The following THSD7A variants were observed in gnomAD, a reference collection of about 807,000 sequenced individuals.
The protein encoded by THSD7A is thrombospondin type-1 domain-containing protein 7A.
THSD7A carries 96 observed loss-of-function variants against 231.3 expected under a neutral mutation model. The ratio of observed to expected loss-of-function variants is 0.41; its 90% CI spans 0.35 to 0.49. The LOEUF (loss-of-function observed/expected upper bound fraction) is 0.49, where lower values mean the gene tolerates loss of function less well. Among genes scored for constraint, THSD7A ranks in the 20% least tolerant of loss-of-function variants. The probability of loss-of-function intolerance (pLI) is 0.05; values close to 1 mark genes in which losing one functional copy is unlikely to be tolerated. For synonymous variants in THSD7A, 940 were observed against 743.3 expected (o/e 1.26, Z -4.30); for missense variants, 2,290 against 2,070.2 (o/e 1.11, Z -2.06).
At chr7:11,454,473 A>G (rs1327635485) in intron 11 of THSD7A, among the ~76,000 whole-genome samples, 1 of 151,864 alleles carries the variant, frequency 6.6e-6, no homozygotes, top group African/African-American at 2.4e-5. Flanking sequence ...AGCTGTTCCT[A>G]AACATAAAGA....
At position 11,690,842 on chromosome 7, in the gene THSD7A, A is replaced by G. The variant is rs556205782; in HGVS notation, c.191-53881T>C. Among the ~76,000 whole-genome samples the G allele has an allele frequency of 8.6e-5, 13 of 151,854 alleles. 1 individual carries two copies. In the South Asian group the frequency reaches 2.7e-3, roughly 31 times the overall value. On this transcript the variant is annotated intron_variant, in intron 1 of 27. Transcript: ENST00000423059. ...AGGATATTTGGATCATGCTTCCTTC[A>G]ACAATTTTTAGTTTTCTTCGAAGTG...
At chr7:11,392,956 T>C (rs1242607015) in intron 23 of THSD7A, among the ~76,000 whole-genome samples, 1 of 152,168 alleles carries the variant, frequency 6.6e-6, no homozygotes, top group Admixed American at 6.5e-5. Context: ...CAGCTGTGGG[T>C]GCAGCTTCAG....
intron 6 of THSD7A, among the ~76,000 whole-genome samples, chr7:11,526,900 A>G (rs1788498340): frequency 6.6e-6 from 1 of 152,192 alleles, no homozygotes; most frequent in African/African-American, 2.4e-5. Context: ...ATTAAAAAAA[A>G]TGAAATTTCT....
chr7:11,694,561 T>A (rs1436559459), intron 1 of THSD7A, among the ~76,000 whole-genome samples: 1 of 151,546 alleles, frequency 6.6e-6, no homozygotes, highest in African/African-American at 2.4e-5. Flanking sequence ...CTGACTGTGA[T>A]CTCACCAAAT....
intron 1 of THSD7A, among the ~76,000 whole-genome samples, chr7:11,666,680 T>C (rs1783146818): frequency 6.6e-6 from 1 of 151,072 alleles, no homozygotes; most frequent in Non-Finnish European, 1.5e-5. Context: ...TGAAACTGTT[T>C]TTTGATTCCT....
chr7:11,677,410 C>T (rs1365937760), intron 1 of THSD7A, among the ~76,000 whole-genome samples: 2 of 151,746 alleles, frequency 1.3e-5, no homozygotes, highest in African/African-American at 2.4e-5. Context: ...CAAATTCACA[C>T]ATAACAATAT....
At chr7:11,412,427 CT>C (rs1783816649) in intron 18 of THSD7A, among the ~76,000 whole-genome samples, 1 of 152,068 alleles carries the variant, frequency 6.6e-6, no homozygotes, top group Admixed American at 6.5e-5. Flanking sequence ...TCACAACCTA[CT>C]TTAAGGGCTA....
intron 1 of THSD7A, among the ~76,000 whole-genome samples, chr7:11,812,482 C>T (rs1414679589): frequency 1.3e-5 from 2 of 152,144 alleles, no homozygotes; most frequent in African/African-American, 2.4e-5. Flanking sequence ...TTATCATTTA[C>T]GTCACAAAAG....
At chr7:11,667,288 A>G (rs182790724) in intron 1 of THSD7A, among the ~76,000 whole-genome samples, 1 of 152,234 alleles carries the variant, frequency 6.6e-6, no homozygotes, top group African/African-American at 2.4e-5. Context: ...TCCCACTTAT[A>G]AGTGAGAACA....
In THSD7A at chr7:11,406,997, G is replaced by A; in HGVS notation, c.3975C>T (p.Cys1325=). 8 of 1,613,788 alleles carry A rather than the reference G, an allele frequency of 5.0e-6. No homozygotes were observed. The highest frequency in any genetic ancestry group is 1.3e-5 in the African/African-American group (1 of 75,020). ...GTTTGGACTGGTCCATCAGGGAAGG[G>A]CATGGTCTTCCATCACCTTGAAAGG... is the stretch of plus-strand genomic sequence containing the variant. ...TQPFQGDGRP[C]PSLMDQSKPC... is the part of the protein sequence containing the mutation. The change falls in exon 21 of 28, where the codon TGC becomes TGT. Residue 1325 remains cysteine (C), a synonymous_variant. Coordinates refer to ENST00000423059, the MANE Select transcript of THSD7A (RefSeq NM_015204.3). This position sits in a 1 kb window ranked among gnomAD's most constrained non-coding sequence, Gnocchi z 4.7.
chr7:11,529,744 G>A (rs1176070329), intron 6 of THSD7A, among the ~76,000 whole-genome samples: 1 of 152,038 alleles, frequency 6.6e-6, no homozygotes, highest in Non-Finnish European at 1.5e-5. Flanking sequence ...TTATAAATTA[G>A]CCAGTCTCAG....
intron 1 of THSD7A, among the ~76,000 whole-genome samples, chr7:11,778,125 C>G (rs1021375537): frequency 1.5e-5 from 2 of 130,286 alleles, no homozygotes; most frequent in African/African-American, 5.9e-5. Flanking sequence ...CCACTGCACT[C>G]CAGCCTGGGC....
intron 4 of THSD7A, among the ~76,000 whole-genome samples, chr7:11,544,512 G>A (rs1789292455): frequency 6.6e-6 from 1 of 152,028 alleles, no homozygotes; most frequent in Non-Finnish European, 1.5e-5. Context: ...AATTCCAATT[G>A]CATAGGATTG....
At chr7:11,534,917 G>A (rs942735862) in intron 6 of THSD7A, among the ~76,000 whole-genome samples, 1 of 152,200 alleles carries the variant, frequency 6.6e-6, no homozygotes, top group Non-Finnish European at 1.5e-5. Context: ...GCTAAGGCAG[G>A]AGGATTGCTG....
At chr7:11,554,781 T>C (rs1789775511) in intron 4 of THSD7A, among the ~76,000 whole-genome samples, 1 of 151,996 alleles carries the variant, frequency 6.6e-6, no homozygotes, top group Admixed American at 6.6e-5. Context: ...TGCCTCTTTT[T>C]TTCTGTGTAG....
intron 6 of THSD7A, among the ~76,000 whole-genome samples, chr7:11,503,006 G>A (rs146557506): frequency 4.9e-4 from 75 of 152,122 alleles, no homozygotes; most frequent in African/African-American, 1.7e-3. Flanking sequence ...AATAGCCAAG[G>A]AGATCATAAG....
rs201341752 is a variant in THSD7A at position 11,475,970 on chromosome 7, TTAAC to T, written c.2018-1406_2018-1403del. ...TTTTTTTTTTGCTCTGTAAGAATAA[TTAAC>T]TATATCATGAGAGTTAACAAATTGT... is the stretch of plus-strand genomic sequence containing the variant. On this transcript the variant is annotated intron_variant, in intron 7 of 27. Transcript: ENST00000423059. Among the ~76,000 whole-genome samples the T allele has an allele frequency of 5.2e-3, 764 of 146,336 alleles. 7 individuals carry two copies. Among genetic ancestry groups the T allele is most frequent in the African/African-American group, 0.018 (730 of 39,802 alleles).
intron 4 of THSD7A, among the ~76,000 whole-genome samples, chr7:11,569,741 T>A (rs1790539966): frequency 6.6e-6 from 1 of 152,198 alleles, no homozygotes; most frequent in African/African-American, 2.4e-5. Flanking sequence ...GCAGCACTAT[T>A]CACTATTTAT....
At chr7:11,747,111 T>C (rs563165128) in intron 1 of THSD7A, among the ~76,000 whole-genome samples, 1 of 152,112 alleles carries the variant, frequency 6.6e-6, no homozygotes, top group East Asian at 1.9e-4. Context: ...AGCTTTCATA[T>C]TTTAATGAAA....
Sources: allele counts gnomAD v4.1 joint callset (sites outside exome capture counted in the v4.1 genomes callset), GRCh38; gene constraint gnomAD v4.1.1; non-coding constraint Gnocchi (gnomAD v3.1); transcripts MANE v1.5; gene names NCBI Gene and HGNC (gene_info 2026-07-23, HGNC 2026-07-21).